Variants in GALNT13 observed in about 807,000 individuals in gnomAD.
The protein encoded by GALNT13 is polypeptide N-acetylgalactosaminyltransferase 13, also known as UDP-GalNAc:polypeptide N-acetylgalactosaminyltransferase 13.
In GALNT13, 28 loss-of-function variants were observed where a neutral mutation model predicts 64.2. The ratio of observed to expected loss-of-function variants is 0.44; its 90% CI spans 0.32 to 0.60. The LOEUF (loss-of-function observed/expected upper bound fraction) is 0.60. Among genes scored for constraint, GALNT13 ranks in the 20% least tolerant of loss-of-function variants. The pLI is 0.05. For synonymous variants in GALNT13, 214 were observed against 224.6 expected, an observed-to-expected ratio of 0.95 and a Z score of 0.42; for missense variants, 577 against 669.8, an observed-to-expected ratio of 0.86 and a Z score of 1.53.
chr2:153,438,745 TTTAACTTCTTTGCCATTGGTTCAG>T, the GALNT13 span, among the ~76,000 whole-genome samples: 3 of 152,112 alleles, frequency 2.0e-5, no homozygotes, highest in African/African-American at 7.2e-5. Context: ...TTTCAAGGTT[TTTAACTTCTTTGCCATTGGTTCAG>T]ACTTCCTCCT....
At chr2:153,184,914 C>T in the GALNT13 span, among the ~76,000 whole-genome samples, 2 of 152,114 alleles carry the variant, frequency 1.3e-5, no homozygotes, top group South Asian at 4.1e-4. Context: ...GGATATTGGT[C>T]TGAAGTTTTC....
chr2:153,764,244 A>G, the GALNT13 span, among the ~76,000 whole-genome samples: 3 of 152,158 alleles, frequency 2.0e-5, no homozygotes, highest in Admixed American at 6.6e-5. Flanking sequence ...AAATCATTCA[A>G]AAAAAGCAGA....
chr2:153,235,367 T>A, the GALNT13 span, among the ~76,000 whole-genome samples: 1 of 152,116 alleles, frequency 6.6e-6, no homozygotes, highest in Admixed American at 6.6e-5. Flanking sequence ...CAAAGTGGGA[T>A]GCTCAAAGGT....
chr2:153,363,875 C>T, the GALNT13 span, among the ~76,000 whole-genome samples: 1 of 152,178 alleles, frequency 6.6e-6, no homozygotes, highest in South Asian at 2.1e-4. Context: ...GGACTCCTCC[C>T]TAACTCATTT....
At chr2:153,262,720 A>T in the GALNT13 span, among the ~76,000 whole-genome samples, 2 of 152,322 alleles carry the variant, frequency 1.3e-5, no homozygotes, top group Non-Finnish European at 2.9e-5. Context: ...ATTTTAATAG[A>T]TGCAGAAAAG....
At chr2:154,141,610 T>C (rs1683264778) in intron 4 of GALNT13, among the ~76,000 whole-genome samples, 1 of 152,202 alleles carries the variant, frequency 6.6e-6, no homozygotes, top group South Asian at 2.1e-4. Flanking sequence ...TCATCATATA[T>C]GTGATCTGTC....
At chr2:153,204,413 T>C in the GALNT13 span, among the ~76,000 whole-genome samples, 1 of 152,226 alleles carries the variant, frequency 6.6e-6, no homozygotes, top group Non-Finnish European at 1.5e-5. Context: ...ATGGGCCTTG[T>C]ATATGGCGCA....
Position 154,147,503 on chromosome 2 carries a change from A to G in GALNT13, c.311+6998A>G, listed in dbSNP as rs1295032964. ...TGTATTTGGAACCAAGCTTTGTAAGATGAATTTGTGTAGAATCAGGCTGAC... is the reference window on the plus strand; with the variant it reads ...TGTATTTGGAACCAAGCTTTGTAAGGTGAATTTGTGTAGAATCAGGCTGAC... On this transcript the variant is annotated intron_variant, in intron 4 of 12. Transcript: ENST00000392825. Among the ~76,000 whole-genome samples, 3 of 151,706 alleles carry G rather than the reference A, an allele frequency of 2.0e-5. No homozygotes were observed. In the Admixed American group the frequency reaches 2.0e-4, roughly 10 times the overall value.
At chr2:154,340,879 C>T (rs1214569545) in intron 9 of GALNT13, among the ~76,000 whole-genome samples, 1 of 130,632 alleles carries the variant, frequency 7.7e-6, no homozygotes, top group Non-Finnish European at 1.6e-5. Flanking sequence ...TCACAGATAT[C>T]TTTGTTCTTT....
intron 8 of GALNT13, among the ~76,000 whole-genome samples, chr2:154,293,842 T>C (rs1692772993): frequency 6.6e-6 from 1 of 152,210 alleles, no homozygotes; most frequent in South Asian, 2.1e-4. Flanking sequence ...TGCTTTAACA[T>C]TTATTTTTTT....
the GALNT13 span, among the ~76,000 whole-genome samples, chr2:153,129,500 C>T: frequency 1.2e-4 from 18 of 152,080 alleles, no homozygotes; most frequent in East Asian, 1.9e-4. Flanking sequence ...TTAGGCTGGG[C>T]GCAGTGGCTT....
chr2:153,635,402 A>ATATATATACACACATATATATG, the GALNT13 span, among the ~76,000 whole-genome samples: 6 of 110,568 alleles, frequency 5.4e-5, no homozygotes, highest in East Asian at 1.2e-3. Context: ...AAATATGTAT[A>ATATATATACACACATATATATG]TATATATATA....
At position 153,974,218 on chromosome 2, in the gene GALNT13, T is replaced by C. The variant is rs921625753; in HGVS notation, c.142+29579T>C. ...ACGGCAGCTCTAAGTCATAACTCCT[T>C]ACTTTGGCACCAGAAACTGTCTATG... On this transcript the variant is annotated intron_variant, in intron 3 of 12. Transcript: ENST00000392825. Among the ~76,000 whole-genome samples, 11 of 152,198 alleles carry C rather than the reference T, an allele frequency of 7.2e-5. 1 individual carries two copies. The highest frequency in any genetic ancestry group is 9.6e-5 in the African/African-American group (4 of 41,568).
chr2:154,151,437 C>T (rs1431604024), intron 4 of GALNT13, among the ~76,000 whole-genome samples: 1 of 152,118 alleles, frequency 6.6e-6, no homozygotes, highest in Non-Finnish European at 1.5e-5. Context: ...CTGTAGATGT[C>T]TATTAGGTCC....
At chr2:153,933,707 T>C (rs937190293) in intron 2 of GALNT13, among the ~76,000 whole-genome samples, 17 of 152,140 alleles carry the variant, frequency 1.1e-4, no homozygotes, top group Non-Finnish European at 2.5e-4. Context: ...TTAAGTTTGT[T>C]TGTTTGTTTG....
chr2:153,581,302 A>AG, the GALNT13 span, among the ~76,000 whole-genome samples: 1 of 152,124 alleles, frequency 6.6e-6, no homozygotes. Flanking sequence ...AGAATGATCG[A>AG]GCACACAGCT....
At chr2:153,666,346 C>A in the GALNT13 span, among the ~76,000 whole-genome samples, 1 of 152,220 alleles carries the variant, frequency 6.6e-6, no homozygotes, top group South Asian at 2.1e-4. Context: ...CAACCAACAG[C>A]ATGCAAGCAC....
chr2:154,253,731 A>T (rs890844848), intron 7 of GALNT13, among the ~76,000 whole-genome samples: 4 of 152,220 alleles, frequency 2.6e-5, no homozygotes, highest in African/African-American at 9.6e-5. Context: ...TTTGTTACTC[A>T]TCAATTTAGC....
the GALNT13 span, among the ~76,000 whole-genome samples, chr2:153,202,356 A>C: frequency 1.7e-3 from 261 of 152,298 alleles, 1 homozygote; most frequent in African/African-American, 6.0e-3. Context: ...ATTTATTCAT[A>C]ATATACAGGT....
Sources: gnomAD v4.1 joint callset for allele counts (sites outside exome capture counted in the v4.1 genomes callset) on GRCh38, gnomAD v4.1.1 for gene constraint, MANE v1.5 for transcripts, NCBI Gene and HGNC (gene_info 2026-07-23, HGNC 2026-07-21) for gene names.